Variants in MPC1 observed in about 807,000 individuals in gnomAD.
The protein encoded by MPC1 is HSPC040 protein.
A neutral mutation model predicts 13.9 loss-of-function variants in MPC1; 6 were observed. The ratio of observed to expected loss-of-function variants is 0.43; its 90% CI spans 0.24 to 0.85. MPC1 has a LOEUF of 0.85. MPC1 is among the 40% of genes least tolerant of loss of function. The pLI is 0.24. For synonymous variants in MPC1, 47 were observed against 50.5 expected, an observed-to-expected ratio of 0.93 and a Z score of 0.29; for missense variants, 115 against 143.3, an observed-to-expected ratio of 0.80 and a Z score of 1.01.
At position 166,365,989 on chromosome 6, in the gene MPC1, C is replaced by T. The variant is rs1779135449; in HGVS notation, c.290G>A (p.Arg97Gln). 5 of 1,612,948 alleles carry T rather than the reference C, an allele frequency of 3.1e-6. No homozygotes were observed. Among genetic ancestry groups the T allele is most frequent in the African/African-American group, 1.3e-5 (1 of 74,968 alleles). The change falls in exon 4 of 5, where the codon CGG (arginine) becomes CAG (glutamine). Residue 97 changes from arginine (R) to glutamine (Q), a missense_variant. Arg to Gln is a conservative substitution (Grantham distance 43). Around this residue, in one of 3 missense-constraint regions of MPC1, gnomAD observed 71 missense variants for 88.5 expected, o/e 0.80. Coordinates refer to ENST00000360961, the MANE Select transcript of MPC1 (RefSeq NM_016098.4). The surrounding 1 kb of genome is among the most constrained non-coding windows in gnomAD (Gnocchi z 4.2). ...NEVAQLIQGGRLIKHEMTKTA... is the reference protein window; with the variant it reads ...NEVAQLIQGGQLIKHEMTKTA... ...ATCTGCTTACTCGTGTTTGATAAGC[C>T]GCCCTCCCTGGATGAGCTGGGCTAC...
At chr6:166,376,777 G>A (rs1170722755) in intron 1 of MPC1, among the ~76,000 whole-genome samples, 3 of 152,032 alleles carry the variant, frequency 2.0e-5, no homozygotes, top group South Asian at 2.1e-4. Context: ...AGCTACCAAC[G>A]CCTTTTCTTG....
At chr6:166,368,762 G>A in intron 2 of MPC1, 1 of 985,172 alleles carries the variant, frequency 1.0e-6, no homozygotes, top group African/African-American at 1.7e-5. Flanking sequence ...GTTATTGGGT[G>A]TCACTTCATT....
Position 166,365,178 on chromosome 6 carries a change from CCAT to C in MPC1, c.*248_*250del. 2.8e-6 allele frequency: 1 copy of C among 356,226 alleles called. No individual in the cohort carries two copies. Among genetic ancestry groups the C allele is most frequent in the Non-Finnish European group, 5.0e-6 (1 of 200,518 alleles). 22.1% of individuals were successfully genotyped at this position (356,226 alleles called of 1,614,324 possible). A position where few individuals can be genotyped will look rare whatever the true frequency, so the allele number is the denominator to read the frequency against. On this transcript the variant is annotated 3_prime_UTR_variant, in exon 5 of 5. Transcript: ENST00000360961. The surrounding 1 kb of genome is among the most constrained non-coding windows in gnomAD (Gnocchi z 4.2). ...GATATACATATTACTGCAGATAAAACCATCATCAGAAATTATTAAATTAATTGC... is the reference window on the plus strand; with the variant it reads ...GATATACATATTACTGCAGATAAAACCATCAGAAATTATTAAATTAATTGC...
chr6:166,369,152 C>T (rs1157169295), intron 2 of MPC1, among the ~76,000 whole-genome samples: 2 of 152,156 alleles, frequency 1.3e-5, no homozygotes, highest in African/African-American at 4.8e-5. Flanking sequence ...ACCTGTAATC[C>T]CAGTACTTTG....
Position 166,365,827 on chromosome 6 carries a change from A to G in MPC1, c.305+147T>C, listed in dbSNP as rs1010263381. ...TGTATCCTAGTTCATGTTAACTTTC[A>G]TGGTTTAGTAAGTTGTTTCCCCAAC... On this transcript the variant is annotated intron_variant, in intron 4 of 4. Coordinates refer to ENST00000360961, the MANE Select transcript of MPC1 (RefSeq NM_016098.4). This position sits in a 1 kb window ranked among gnomAD's most constrained non-coding sequence, Gnocchi z 4.2. 1.3e-5 allele frequency: 14 copies of G among 1,068,030 alleles called. No homozygotes were observed. The highest frequency in any genetic ancestry group is 1.3e-4 in the African/African-American group (8 of 62,746). The allele number at this position is 1,068,030 out of a possible 1,614,324, so 66.2% of individuals were successfully genotyped here.
At chr6:166,367,128 C>G (rs1779189892) in intron 2 of MPC1, 1 of 1,341,170 alleles carries the variant, frequency 7.5e-7, no homozygotes, top group Non-Finnish European at 9.7e-7. Flanking sequence ...AAGGGTTTGG[C>G]AGCTTCCCAA....
At position 166,365,010 on chromosome 6, in the gene MPC1, G is replaced by C. The variant is rs111863743; in HGVS notation, c.*419C>G. ...AATACACAGGTAACATTTTTAAACA[G>C]TGGGGACAAAATTTTAAGTACGTGG... On this transcript the variant is annotated 3_prime_UTR_variant, in exon 5 of 5. Coordinates refer to ENST00000360961, the MANE Select transcript of MPC1 (RefSeq NM_016098.4). This position sits in a 1 kb window ranked among gnomAD's most constrained non-coding sequence, Gnocchi z 4.2. 62 of 158,954 alleles carry C rather than the reference G, an allele frequency of 3.9e-4. No individual in the cohort carries two copies. The highest frequency in any genetic ancestry group is 6.7e-4 in the African/African-American group (28 of 41,832). 9.8% of individuals were successfully genotyped at this position (158,954 alleles called of 1,614,324 possible).
chr6:166,374,940 C>T (rs1176399847), intron 1 of MPC1, among the ~76,000 whole-genome samples: 4 of 152,186 alleles, frequency 2.6e-5, no homozygotes, highest in African/African-American at 9.7e-5. Flanking sequence ...ACCGCCGTCT[C>T]CATTTAAACT....
intron 2 of MPC1, chr6:166,369,504 G>C (rs1779295019): frequency 6.3e-6 from 1 of 158,814 alleles, no homozygotes; most frequent in Non-Finnish European, 1.4e-5. Flanking sequence ...ACTTATGACT[G>C]TAAGTGTTGA....
At chr6:166,371,374 A>G (rs184644463) in intron 1 of MPC1, among the ~76,000 whole-genome samples, 92 of 152,350 alleles carry the variant, frequency 6.0e-4, no homozygotes, top group African/African-American at 2.1e-3. Flanking sequence ...AATACACCAA[A>G]AACTTATATT....
intron 1 of MPC1, 48 bp downstream of exon 1, chr6:166,382,758 C>T (rs1462648988): frequency 3.3e-6 from 5 of 1,533,404 alleles, no homozygotes; most frequent in Non-Finnish European, 4.4e-6. Context: ...GTCGCAGCCT[C>T]CCGGGAGCCC....
intron 3 of MPC1, 32 bp from the exon 4 acceptor site, chr6:166,366,138 T>C: frequency 1.2e-6 from 2 of 1,605,078 alleles, no homozygotes; most frequent in South Asian, 1.1e-5. Context: ...AGACAATCAA[T>C]AACTTAGAAA....
intron 1 of MPC1, 27 bp downstream of exon 1, chr6:166,382,779 C>T: frequency 1.9e-6 from 3 of 1,565,618 alleles, no homozygotes; most frequent in South Asian, 2.3e-5. Flanking sequence ...CTCCGGGTTG[C>T]GGGGTTCGGC....
At position 166,366,102 on chromosome 6, in the gene MPC1, G is replaced by A. The variant is rs11557066; in HGVS notation, c.177C>T (p.Leu59=). The change falls in exon 4 of 5, where the codon CTC becomes CTT. Residue 59 remains leucine (L), a synonymous_variant. Transcript: ENST00000360961. The part of the protein sequence containing the change: ...EIISGRMTFA[L]CCYSLTFMRF... Reference sequence around the variant, plus strand: ...TCATGAATGTCAAAGAATAGCAACAGAGGGCTGCCAAAAATAGCAGAGCAA... The same window carrying A: ...TCATGAATGTCAAAGAATAGCAACAAAGGGCTGCCAAAAATAGCAGAGCAA... 6.8e-6 allele frequency: 11 copies of A among 1,613,472 alleles called. No homozygotes were observed. Among genetic ancestry groups the A allele is most frequent in the Non-Finnish European group, 9.3e-6 (11 of 1,179,654 alleles).
intron 1 of MPC1, 51 bp downstream of exon 1, chr6:166,382,755 C>T (rs551398633): frequency 6.6e-7 from 1 of 1,525,482 alleles, no homozygotes; most frequent in East Asian, 2.7e-5. Context: ...CGGGTCGCAG[C>T]CTCCCGGGAG....
intron 1 of MPC1, among the ~76,000 whole-genome samples, chr6:166,380,948 AAAAAAAAAAAAAAAAAG>A (rs1420032758): frequency 6.6e-6 from 1 of 150,458 alleles, no homozygotes; most frequent in Non-Finnish European, 1.5e-5. Context: ...TCAAAAAAAA[AAAAAAAAAAAAAAAAAG>A]AAAAGAAAAC....
At chr6:166,374,936 G>A (rs1457009797) in intron 1 of MPC1, among the ~76,000 whole-genome samples, 2 of 152,102 alleles carry the variant, frequency 1.3e-5, no homozygotes, top group African/African-American at 4.8e-5. Flanking sequence ...GTTTACCGCC[G>A]TCTCCATTTA....
intron 1 of MPC1, among the ~76,000 whole-genome samples, chr6:166,376,489 G>A (rs1275254249): frequency 6.6e-6 from 1 of 152,124 alleles, no homozygotes; most frequent in Admixed American, 6.5e-5. Flanking sequence ...GTTCTACTGG[G>A]GCCCTCAACA....
intron 1 of MPC1, among the ~76,000 whole-genome samples, chr6:166,382,227 G>A (rs1039112067): frequency 6.6e-6 from 1 of 152,128 alleles, no homozygotes; most frequent in African/African-American, 2.4e-5. Flanking sequence ...GGCGCCCACT[G>A]TCACCCCTGC....
Sources: allele counts gnomAD v4.1 joint callset (sites outside exome capture counted in the v4.1 genomes callset), GRCh38; gene constraint gnomAD v4.1.1; regional missense constraint gnomAD v4.1.1; non-coding constraint Gnocchi (gnomAD v3.1); transcripts MANE v1.5; gene names NCBI Gene and HGNC (gene_info 2026-07-23, HGNC 2026-07-21).